Variants in GALNT18 observed in about 807,000 individuals in gnomAD.
GALNT18 encodes the protein GalNAc-transferase 18.
Under a neutral mutation model 69.5 loss-of-function variants are expected in GALNT18, and 44 were observed. That is an observed-to-expected ratio of 0.63 (90% CI 0.50 to 0.81). The LOEUF (loss-of-function observed/expected upper bound fraction) is 0.81, where lower values mean the gene tolerates loss of function less well. Ranked by LOEUF, GALNT18 falls within the 40% of genes least tolerant of loss-of-function variation. The pLI, the probability that GALNT18 is intolerant of heterozygous loss-of-function variation, is 0.00. For missense variants in GALNT18, 715 were observed against 810.0 expected (o/e 0.88, Z 1.42); for synonymous variants, 364 against 318.2 (o/e 1.14, Z -1.53).
rs1276838722 is a variant in GALNT18, at chr11:11,461,388, T to C, written c.236-12452A>G. Among the ~76,000 whole-genome samples, 3 of 152,204 alleles carry C rather than the reference T, an allele frequency of 2.0e-5. No individual in the cohort carries two copies. Among genetic ancestry groups the C allele is most frequent in the African/African-American group, 4.8e-5 (2 of 41,440 alleles). On this transcript the variant is annotated intron_variant, in intron 1 of 10. Transcript: ENST00000227756. The surrounding 1 kb of genome is among the most constrained non-coding windows in gnomAD (Gnocchi z 4.1). ...TAAAGGGTCAAGTTTTTACACTCCATGCCAACTATATAAAGTACATGTGAA... is the reference window on the plus strand; with the variant it reads ...TAAAGGGTCAAGTTTTTACACTCCACGCCAACTATATAAAGTACATGTGAA...
In GALNT18 at chr11:11,600,207, A is replaced by G. The variant is rs115955835; in HGVS notation, c.235+21152T>C. Among the ~76,000 whole-genome samples the G allele has an allele frequency of 4.9e-3, 748 of 152,214 alleles. 2 individuals carry two copies. Among genetic ancestry groups the G allele is most frequent in the African/African-American group, 0.017 (721 of 41,576 alleles). On this transcript the variant is annotated intron_variant, in intron 1 of 10. Transcript: ENST00000227756. The surrounding 1 kb of genome is among the most constrained non-coding windows in gnomAD (Gnocchi z 4.8). ...AATACGTTGTTTTTTATAATGGCTTATATAATTACCTTTAGTGGTGCTCTT... is the reference window on the plus strand; with the variant it reads ...AATACGTTGTTTTTTATAATGGCTTGTATAATTACCTTTAGTGGTGCTCTT...
chr11:11,303,076 T>C (rs1039213135), intron 9 of GALNT18, among the ~76,000 whole-genome samples: 2 of 152,166 alleles, frequency 1.3e-5, no homozygotes, highest in African/African-American at 4.8e-5. Context: ...GCCTCACCCA[T>C]GCATCTGGGC....
At chr11:11,539,949 C>A (rs565232804) in intron 1 of GALNT18, among the ~76,000 whole-genome samples, 78 of 152,292 alleles carry the variant, frequency 5.1e-4, no homozygotes, top group African/African-American at 1.6e-3. Context: ...AGACACAGTG[C>A]CTTGCAGGGG....
At chr11:11,438,768 G>C (rs1855466753) in intron 2 of GALNT18, among the ~76,000 whole-genome samples, 1 of 152,162 alleles carries the variant, frequency 6.6e-6, no homozygotes, top group Admixed American at 6.5e-5. Context: ...TTGTTCCCAG[G>C]CTGCCAAATC....
In GALNT18 at chr11:11,596,496, A is replaced by G. The variant is rs1403044735; in HGVS notation, c.235+24863T>C. ...ATATTAAGTCTTGCAGTCCATGAAC[A>G]TGAGATGTCTTCCCATTTATTTAGG... On this transcript the variant is annotated intron_variant, in intron 1 of 10. Transcript: ENST00000227756. This position sits in a 1 kb window ranked among gnomAD's most constrained non-coding sequence, Gnocchi z 4.2. Among the ~76,000 whole-genome samples, 1 of 152,180 alleles carries G rather than the reference A, an allele frequency of 6.6e-6. No individual in the cohort carries two copies. Among genetic ancestry groups the G allele is most frequent in the Non-Finnish European group, 1.5e-5 (1 of 68,008 alleles).
chr11:11,517,689 C>T (rs1257035730), intron 1 of GALNT18, among the ~76,000 whole-genome samples: 5 of 152,000 alleles, frequency 3.3e-5, no homozygotes, highest in Non-Finnish European at 5.9e-5. Flanking sequence ...TAGATGAGGC[C>T]GCAGAAACAG....
rs915937027 is a variant in GALNT18 at position 11,347,900 on chromosome 11, C to T, written c.1093-6896G>A. 1.3e-5 allele frequency among the ~76,000 whole-genome samples: 2 copies of T among 152,174 alleles called. No homozygotes were observed. Among genetic ancestry groups the T allele is most frequent in the Non-Finnish European group, 2.9e-5 (2 of 68,022 alleles). On this transcript the variant is annotated intron_variant, in intron 6 of 10. Transcript: ENST00000227756. This position sits in a 1 kb window ranked among gnomAD's most constrained non-coding sequence, Gnocchi z 4.0. ...GGGAGGAAGACGAGGTGGATGCAGGCTGAGGCTGAGGGCTGGGGAGAGCTG... is the reference window on the plus strand; with the variant it reads ...GGGAGGAAGACGAGGTGGATGCAGGTTGAGGCTGAGGGCTGGGGAGAGCTG...
At chr11:11,501,262 A>G (rs951288611) in intron 1 of GALNT18, among the ~76,000 whole-genome samples, 1 of 152,194 alleles carries the variant, frequency 6.6e-6, no homozygotes, top group African/African-American at 2.4e-5. Context: ...TGTTAGAAAA[A>G]AAAATTCAGT....
At position 11,555,377 on chromosome 11, in the gene GALNT18, A is replaced by G. The variant is rs11021928; in HGVS notation, c.235+65982T>C. Among the ~76,000 whole-genome samples the G allele has an allele frequency of 0.25, 38,524 of 152,162 alleles. 6,139 individuals are homozygous for G. The highest frequency in any genetic ancestry group is 0.39 in the Middle Eastern group (116 of 294). ...TCTCATCTTCCCCAACCCCAGCTTA[A>G]TCCACGCTCCAGTGCTTAGGAGCTC... On this transcript the variant is annotated intron_variant, in intron 1 of 10. Coordinates refer to ENST00000227756, the MANE Select transcript of GALNT18 (RefSeq NM_198516.3). This position sits in a 1 kb window ranked among gnomAD's most constrained non-coding sequence, Gnocchi z 4.7.
rs116033715 is a variant in GALNT18 at position 11,583,725 on chromosome 11, G to T, written c.235+37634C>A. Among the ~76,000 whole-genome samples the T allele has an allele frequency of 8.4e-4, 128 of 152,228 alleles. No individual in the cohort carries two copies. Among genetic ancestry groups the T allele is most frequent in the African/African-American group, 2.7e-3 (112 of 41,556 alleles). On this transcript the variant is annotated intron_variant, in intron 1 of 10. Coordinates refer to ENST00000227756, the MANE Select transcript of GALNT18 (RefSeq NM_198516.3). The surrounding 1 kb of genome is among the most constrained non-coding windows in gnomAD (Gnocchi z 4.7). ...GACCACATACGTGGTCAGGGAAAAT[G>T]CTTAAAGCTTCAGCTCCTTTCAGAA...
At position 11,500,562 on chromosome 11, in the gene GALNT18, T is replaced by C. The variant is rs527443876; in HGVS notation, c.236-51626A>G. Among the ~76,000 whole-genome samples the C allele has an allele frequency of 6.6e-6, 1 of 152,284 alleles. No individual in the cohort carries two copies. The highest frequency in any genetic ancestry group is 1.9e-4 in the East Asian group (1 of 5,178). On this transcript the variant is annotated intron_variant, in intron 1 of 10. Coordinates refer to ENST00000227756, the MANE Select transcript of GALNT18 (RefSeq NM_198516.3). The surrounding 1 kb of genome is among the most constrained non-coding windows in gnomAD (Gnocchi z 5.0). ...ATCTCTCAGTAGAAGGCAGCAGGGA[T>C]GCTGGCAAGCACCGGTCATCATCCT...
chr11:11,581,276 G>C (rs1395966681), intron 1 of GALNT18, among the ~76,000 whole-genome samples: 1 of 152,188 alleles, frequency 6.6e-6, no homozygotes, highest in African/African-American at 2.4e-5. Flanking sequence ...CAACAGGCAG[G>C]CCTCACAGAA....
intron 1 of GALNT18, among the ~76,000 whole-genome samples, chr11:11,487,653 C>T (rs145215052): frequency 1.8e-4 from 28 of 152,308 alleles, no homozygotes; most frequent in African/African-American, 4.3e-4. Flanking sequence ...GGTTTCCATA[C>T]GTTGGCTTCT....
chr11:11,353,245 C>T (rs929138873), intron 6 of GALNT18: 3 of 1,227,772 alleles, frequency 2.4e-6, no homozygotes, highest in Non-Finnish European at 2.3e-6. Context: ...GTGGAAGCGG[C>T]AGCGGCTGTG....
intron 1 of GALNT18, among the ~76,000 whole-genome samples, chr11:11,539,174 A>G (rs1469273836): frequency 6.6e-6 from 1 of 152,210 alleles, no homozygotes; most frequent in African/African-American, 2.4e-5. Flanking sequence ...CTGCCCTCAG[A>G]TCTGATATCC....
rs1204083674 is a variant in GALNT18, at chr11:11,603,764, G to T, written c.235+17595C>A. 6.6e-6 allele frequency among the ~76,000 whole-genome samples: 1 copy of T among 152,196 alleles called. No homozygotes were observed. The highest frequency in any genetic ancestry group is 1.5e-5 in the Non-Finnish European group (1 of 68,028). Reference sequence around the variant, plus strand: ...ACTAAGGTCTCCCAAGAGGGGAAAAGGGGGACAGAAATTACTGAAATCAGA... The same window carrying T: ...ACTAAGGTCTCCCAAGAGGGGAAAATGGGGACAGAAATTACTGAAATCAGA... On this transcript the variant is annotated intron_variant, in intron 1 of 10. Coordinates refer to ENST00000227756, the MANE Select transcript of GALNT18 (RefSeq NM_198516.3). This position sits in a 1 kb window ranked among gnomAD's most constrained non-coding sequence, Gnocchi z 4.5.
At position 11,377,182 on chromosome 11, in the gene GALNT18, C is replaced by G; in HGVS notation, c.977G>C (p.Arg326Thr). The change falls in exon 5 of 11, where the codon AGG (arginine) becomes ACG (threonine). Residue 326 changes from arginine to threonine, a missense_variant and splice_region_variant. Arg to Thr is a moderately conservative substitution (Grantham distance 71). Transcript: ENST00000227756. This position sits in a 1 kb window ranked among gnomAD's most constrained non-coding sequence, Gnocchi z 4.6. ...ACCCACAGGTAAAGGTTTGCTTTAC[C>G]TGATTGGCGCTGTGGAGTTCTCCAG... ...WKLENSTAPI[R>T]SPALIGCFIV... 1 of 1,612,700 alleles carries G rather than the reference C, an allele frequency of 6.2e-7. No homozygotes were observed. The highest frequency in any genetic ancestry group is 1.1e-5 in the South Asian group (1 of 90,992).
chr11:11,583,986 T>C lies in GALNT18; in HGVS notation c.235+37373A>G, dbSNP rs946213681. 1.3e-5 allele frequency among the ~76,000 whole-genome samples: 2 copies of C among 152,126 alleles called. No individual in the cohort carries two copies. Among genetic ancestry groups the C allele is most frequent in the African/African-American group, 4.8e-5 (2 of 41,420 alleles). ...CACACTCAATGAAATAGAGATGAAC[T>C]GAATTCTTGTGAGGACATAGGAATT... On this transcript the variant is annotated intron_variant, in intron 1 of 10. Coordinates refer to ENST00000227756, the MANE Select transcript of GALNT18 (RefSeq NM_198516.3). The surrounding 1 kb of genome is among the most constrained non-coding windows in gnomAD (Gnocchi z 4.7).
Position 11,454,627 on chromosome 11 carries a change from AAGACCCAG to A in GALNT18, c.236-5699_236-5692del, listed in dbSNP as rs1461671244. On this transcript the variant is annotated intron_variant, in intron 1 of 10. Transcript: ENST00000227756. The surrounding 1 kb of genome is among the most constrained non-coding windows in gnomAD (Gnocchi z 4.2). Reference sequence around the variant, plus strand: ...CAGGCACAAAGGGCAATGAGGTGGGAAGACCCAGAGACTCTAGAAAACTGGCCTAAGAT... The same window carrying A: ...CAGGCACAAAGGGCAATGAGGTGGGAAGACTCTAGAAAACTGGCCTAAGAT... 2.6e-5 allele frequency among the ~76,000 whole-genome samples: 4 copies of A among 152,066 alleles called. No individual in the cohort carries two copies. The highest frequency in any genetic ancestry group is 9.7e-5 in the African/African-American group (4 of 41,390).
Sources: gnomAD v4.1 joint callset for allele counts (sites outside exome capture counted in the v4.1 genomes callset) on GRCh38, gnomAD v4.1.1 for gene constraint, Gnocchi (gnomAD v3.1) non-coding constraint, MANE v1.5 for transcripts, NCBI Gene and HGNC (gene_info 2026-07-23, HGNC 2026-07-21) for gene names.